Variants in ANKRD12 observed in about 807,000 individuals in gnomAD.
ANKRD12 encodes ankyrin repeat domain 12.
Under a neutral mutation model 183.4 loss-of-function variants are expected in ANKRD12, and 85 were observed. That is an observed-to-expected ratio of 0.46 (90% confidence interval 0.39 to 0.56). The LOEUF is 0.56. Among genes scored for constraint, ANKRD12 ranks in the 20% least tolerant of loss-of-function variants. The probability of loss-of-function intolerance (pLI) is 0.00; values close to 1 mark genes in which losing one functional copy is unlikely to be tolerated. For missense variants in ANKRD12, 2,405 were observed against 2,357.1 expected (o/e 1.02, Z -0.42); for synonymous variants, 914 against 800.2 (o/e 1.14, Z -2.40).
Position 9,263,897 on chromosome 18 carries a change from T to C in ANKRD12, c.5763+9T>C, listed in dbSNP as rs1203096531. The C allele has an allele frequency of 2.1e-6, 3 of 1,423,622 alleles. No homozygotes were observed. Among genetic ancestry groups the C allele is most frequent in the South Asian group, 2.6e-5 (2 of 76,168 alleles). 88.2% of individuals were successfully genotyped at this position (1,423,622 alleles called of 1,614,324 possible). ...AACACAGTATTGAAAGGGTAAGAAA[T>C]GTTTAAATTTACACTTATGCTAAAA... On this transcript the variant is annotated intron_variant, in intron 10 of 12. Transcript: ENST00000262126.
chr18:9,238,563 T>C (rs1005564008), intron 8 of ANKRD12, among the ~76,000 whole-genome samples: 2 of 152,232 alleles, frequency 1.3e-5, no homozygotes, highest in Non-Finnish European at 2.9e-5. Context: ...TAAACTCCTC[T>C]TCTTCCTTTT....
chr18:9,224,649 A>G (rs1211911349), intron 8 of ANKRD12, among the ~76,000 whole-genome samples: 1 of 152,204 alleles, frequency 6.6e-6, no homozygotes, highest in Non-Finnish European at 1.5e-5. Flanking sequence ...TTTGTTAATA[A>G]GTGTGAAAAA....
In ANKRD12 at chr18:9,285,794, T is replaced by C. The variant is rs1297498597; in HGVS notation, c.*4668T>C. On this transcript the variant is annotated 3_prime_UTR_variant, in exon 13 of 13. Transcript: ENST00000262126. Reference sequence around the variant, plus strand: ...AACTTCATAGAAATAGAGTCATACATACTTCCTTGTCTGCCTTGTTTCTCA... The same window carrying C: ...AACTTCATAGAAATAGAGTCATACACACTTCCTTGTCTGCCTTGTTTCTCA... The C allele has an allele frequency of 6.6e-6, 1 of 152,186 alleles. No homozygotes were observed. The highest frequency in any genetic ancestry group is 1.5e-5 in the Non-Finnish European group (1 of 68,036). The allele number at this position is 152,186 out of a possible 1,614,324, so 9.4% of individuals were successfully genotyped here. A position where few individuals can be genotyped will look rare whatever the true frequency, so the allele number is the denominator to read the frequency against.
At chr18:9,264,037 A>G in intron 10 of ANKRD12, 149 bp downstream of exon 10, 2 of 723,046 alleles carry the variant, frequency 2.8e-6, no homozygotes, top group Non-Finnish European at 2.0e-6. Context: ...TATTAGATGG[A>G]AAAATTTTAA....
intron 3 of ANKRD12, among the ~76,000 whole-genome samples, chr18:9,196,924 T>C (rs2034866851): frequency 1.3e-5 from 2 of 152,204 alleles, no homozygotes; most frequent in South Asian, 4.1e-4. Context: ...AGGGTGCTTA[T>C]GTGCCTTTGG....
chr18:9,142,743 G>T (rs1174561908), intron 1 of ANKRD12, among the ~76,000 whole-genome samples: 1 of 152,042 alleles, frequency 6.6e-6, no homozygotes, highest in African/African-American at 2.4e-5. Context: ...AATTAGCTGG[G>T]CGTGGTGGCG....
chr18:9,274,199 G>C (rs1268569221), intron 10 of ANKRD12, among the ~76,000 whole-genome samples: 1 of 152,218 alleles, frequency 6.6e-6, no homozygotes, highest in Non-Finnish European at 1.5e-5. Flanking sequence ...GCACTCTTGA[G>C]CCTGCTGACT....
At chr18:9,146,139 G>A (rs1322679967) in intron 1 of ANKRD12, among the ~76,000 whole-genome samples, 3 of 152,142 alleles carry the variant, frequency 2.0e-5, no homozygotes, top group African/African-American at 4.8e-5. Flanking sequence ...TTCTTTTTTA[G>A]GGGTTATTTT....
chr18:9,137,346 CG>C (rs1448890815), intron 1 of ANKRD12, among the ~76,000 whole-genome samples: 2 of 146,606 alleles, frequency 1.4e-5, no homozygotes, highest in East Asian at 3.9e-4. Flanking sequence ...GGCCTCGTCG[CG>C]GGCGCCCCTC....
At chr18:9,181,616 TTTAA>T (rs1419877544) in intron 1 of ANKRD12, among the ~76,000 whole-genome samples, 1 of 152,202 alleles carries the variant, frequency 6.6e-6, no homozygotes, top group East Asian at 1.9e-4. Flanking sequence ...TTAATTTCAT[TTTAA>T]TTAATTTTAA....
At chr18:9,167,975 T>A (rs1024157072) in intron 1 of ANKRD12, among the ~76,000 whole-genome samples, 10 of 152,226 alleles carry the variant, frequency 6.6e-5, no homozygotes, top group Non-Finnish European at 1.0e-4. Flanking sequence ...ATTGAGATAA[T>A]CATGTGGTTT....
chr18:9,263,635 A>G (rs780118086), intron 9 of ANKRD12, among the ~76,000 whole-genome samples, 155 bp from the exon 10 acceptor site: 109 of 152,356 alleles, frequency 7.2e-4, no homozygotes, highest in Non-Finnish European at 1.3e-3. Context: ...TCCAAACAGA[A>G]GTAACAATCA....
intron 1 of ANKRD12, 62 bp from the exon 2 acceptor site, chr18:9,182,320 A>G: frequency 1.9e-6 from 1 of 516,138 alleles, no homozygotes; most frequent in Non-Finnish European, 3.1e-6. Flanking sequence ...AATTGGACTA[A>G]TTGTGGTGCG....
intron 8 of ANKRD12, among the ~76,000 whole-genome samples, chr18:9,229,366 C>A (rs1325847237): frequency 6.6e-6 from 1 of 152,090 alleles, no homozygotes; most frequent in African/African-American, 2.4e-5. Context: ...TACATTGAGT[C>A]TGTAGACTGC....
chr18:9,222,244 A>G (rs1195589837), intron 8 of ANKRD12, among the ~76,000 whole-genome samples: 2 of 152,052 alleles, frequency 1.3e-5, no homozygotes, highest in East Asian at 1.9e-4. Context: ...TTGCTGAACT[A>G]TTCATTATTA....
At chr18:9,183,370 C>T (rs1004454649) in intron 2 of ANKRD12, among the ~76,000 whole-genome samples, 2 of 152,012 alleles carry the variant, frequency 1.3e-5, no homozygotes, top group African/African-American at 2.4e-5. Context: ...GTCTTCCAAT[C>T]CATGAACATG....
chr18:9,168,027 T>C (rs2032274348), intron 1 of ANKRD12, among the ~76,000 whole-genome samples: 1 of 152,236 alleles, frequency 6.6e-6, no homozygotes, highest in African/African-American at 2.4e-5. Context: ...CATTTATTGA[T>C]TTGCATATGT....
rs904336246 is a variant in ANKRD12, at chr18:9,257,042, C to G, written c.3775C>G (p.His1259Asp). ...GTCAATTGCCAAATCTCCTGCTCTT[C>G]ATGAAAGGGAATTGGACAGCCTGGC... Reference protein sequence around the residue: ...FLSIAKSPALHERELDSLADL... With the variant: ...FLSIAKSPALDERELDSLADL... The change falls in exon 9 of 13, where the codon CAT becomes GAT. Residue 1259 changes from histidine to aspartate, a missense_variant. By Grantham distance (81) the His-to-Asp change is moderately conservative. Around this residue, in one of 7 missense-constraint regions of ANKRD12, gnomAD observed 1,983 missense variants for 1,725.9 expected, o/e 1.15. Transcript: ENST00000262126. The G allele has an allele frequency of 6.2e-7, 1 of 1,614,002 alleles. No individual in the cohort carries two copies. Among genetic ancestry groups the G allele is most frequent in the African/African-American group, 1.3e-5 (1 of 74,920 alleles).
chr18:9,171,743 A>G (rs953228024), intron 1 of ANKRD12, among the ~76,000 whole-genome samples: 1 of 152,154 alleles, frequency 6.6e-6, no homozygotes, highest in African/African-American at 2.4e-5. Flanking sequence ...TGTTGAGGCC[A>G]GGTGCGGTGG....
Sources: allele counts gnomAD v4.1 joint callset (sites outside exome capture counted in the v4.1 genomes callset), GRCh38; gene constraint gnomAD v4.1.1; regional missense constraint gnomAD v4.1.1; transcripts MANE v1.5; gene names NCBI Gene and HGNC (gene_info 2026-07-23, HGNC 2026-07-21).